CHMP5: variants seen among roughly 807,000 people sequenced by gnomAD.
CHMP5 encodes the protein SNF7 domain containing 2.
A neutral mutation model predicts 33.0 loss-of-function variants in CHMP5; 17 were observed. That is an observed-to-expected ratio of 0.52 (90% confidence interval 0.35 to 0.77). The LOEUF is 0.77. CHMP5 is among the 30% of genes least tolerant of loss of function. The probability of loss-of-function intolerance (pLI) is 0.01; values close to 1 mark genes in which losing one functional copy is unlikely to be tolerated. For missense variants in CHMP5, 216 were observed against 261.5 expected (o/e 0.83, Z 1.20); for synonymous variants, 76 against 90.2 (o/e 0.84, Z 0.89).
chr9:33,271,092 A>G (rs1378625165), intron 4 of CHMP5, 60 bp from the exon 5 acceptor site: 19 of 1,281,682 alleles, frequency 1.5e-5, no homozygotes, highest in Non-Finnish European at 2.1e-5. Flanking sequence ...ATAAATAAAT[A>G]AAGACAATTT....
intron 6 of CHMP5, among the ~76,000 whole-genome samples, chr9:33,277,639 T>G (rs1208236964): frequency 1.3e-5 from 2 of 151,940 alleles, no homozygotes; most frequent in East Asian, 3.9e-4. Flanking sequence ...TCTTAGAAAA[T>G]TGAGTGGACA....
Position 33,265,067 on chromosome 9 carries a change from C to T in CHMP5, c.-12C>T, listed in dbSNP as rs1366398762. ...TTGCTCTAGTGTTTGGGTTTCTTCG[C>T]GGCTGCTCAAGATGAACCGACTCTT... is the stretch of plus-strand genomic sequence containing the variant. On this transcript the variant is annotated 5_prime_UTR_variant, in exon 1 of 8. Coordinates refer to ENST00000223500, the MANE Select transcript of CHMP5 (RefSeq NM_016410.6). 1.9e-6 allele frequency: 3 copies of T among 1,614,162 alleles called. No individual in the cohort carries two copies. Among genetic ancestry groups the T allele is most frequent in the Non-Finnish European group, 2.5e-6 (3 of 1,179,984 alleles).
chr9:33,273,389 A>G (rs1005641584), intron 5 of CHMP5, among the ~76,000 whole-genome samples: 14 of 152,138 alleles, frequency 9.2e-5, no homozygotes, highest in African/African-American at 3.4e-4. Flanking sequence ...CAAAAGAGAA[A>G]CTTTGGTCTT....
intron 6 of CHMP5, 137 bp from the exon 7 acceptor site, chr9:33,277,976 G>C (rs1056074815): frequency 3.8e-6 from 2 of 530,774 alleles, no homozygotes; most frequent in Non-Finnish European, 3.4e-6. Flanking sequence ...CTGATTTCAC[G>C]TAATGGTCAC....
Position 33,271,193 on chromosome 9 carries a change from A to G in CHMP5, c.357A>G (p.Ala119=), listed in dbSNP as rs749884704. The change falls in exon 5 of 8, where the codon GCA becomes GCG. Residue 119 remains alanine, a synonymous_variant. Transcript: ENST00000223500. ...MKLGVKEMKK[A]YKQVKIDQIE... ...TGGGAGTAAAGGAAATGAAGAAGGC[A>G]TACAAGCAAGTGAAGATCGACCAGA... The G allele has an allele frequency of 8.7e-6, 14 of 1,613,992 alleles. No homozygotes were observed. The highest frequency in any genetic ancestry group is 8.3e-5 in the Admixed American group (5 of 60,016).
chr9:33,273,356 T>C (rs1256960127), intron 5 of CHMP5, among the ~76,000 whole-genome samples: 3 of 152,206 alleles, frequency 2.0e-5, no homozygotes, highest in South Asian at 4.1e-4. Context: ...CCTTGTGTTT[T>C]AATTAAAGCT....
At chr9:33,269,180 A>T (rs1820763689) in intron 3 of CHMP5, among the ~76,000 whole-genome samples, 1 of 152,220 alleles carries the variant, frequency 6.6e-6, no homozygotes, top group African/African-American at 2.4e-5. Flanking sequence ...ATTAGGTCAG[A>T]TGGATTACCT....
At chr9:33,272,066 G>A (rs1812324723) in intron 5 of CHMP5, among the ~76,000 whole-genome samples, 2 of 152,052 alleles carry the variant, frequency 1.3e-5, no homozygotes, top group African/African-American at 2.4e-5. Context: ...CTTAAAGTTA[G>A]CATTTCTTAT....
Position 33,266,132 on chromosome 9 carries a change from T to C in CHMP5, c.174+18T>C. On this transcript the variant is annotated intron_variant, in intron 2 of 7. Transcript: ENST00000223500. Reference sequence around the variant, plus strand: ...CTGCAAAGGTAAGGTGGGCAGCAACTGCTGCACAAGGTGCTGGCAGAGCCT... The same window carrying C: ...CTGCAAAGGTAAGGTGGGCAGCAACCGCTGCACAAGGTGCTGGCAGAGCCT... The C allele has an allele frequency of 6.4e-7, 1 of 1,554,404 alleles. No individual in the cohort carries two copies.
intron 5 of CHMP5, among the ~76,000 whole-genome samples, chr9:33,274,834 G>A (rs193175122): frequency 3.9e-5 from 6 of 152,218 alleles, no homozygotes; most frequent in Admixed American, 3.9e-4. Context: ...CAGACTGGTT[G>A]CGAACTCCTG....
intron 6 of CHMP5, among the ~76,000 whole-genome samples, chr9:33,277,390 G>A (rs79740780): frequency 6.6e-6 from 1 of 152,110 alleles, no homozygotes; most frequent in Non-Finnish European, 1.5e-5. Context: ...CTATAGGGAA[G>A]AAGTATGGGG....
In CHMP5 at chr9:33,265,163, T is replaced by C; in HGVS notation, c.69+16T>C. On this transcript the variant is annotated intron_variant, in intron 1 of 7. Transcript: ENST00000223500. ...CATTGGCACGGTGGGCATTTGATCA[T>C]GCATAAGTAGGCTCAGGACCTCTGA... The C allele has an allele frequency of 6.2e-7, 1 of 1,613,636 alleles. No individual in the cohort carries two copies. The highest frequency in any genetic ancestry group is 8.5e-7 in the Non-Finnish European group (1 of 1,179,698).
At chr9:33,277,058 T>C (rs1421572706) in intron 6 of CHMP5, among the ~76,000 whole-genome samples, 2 of 151,404 alleles carry the variant, frequency 1.3e-5, no homozygotes, top group Admixed American at 6.6e-5. Context: ...TACCCAGGCA[T>C]GGTGGTGTGC....
intron 5 of CHMP5, among the ~76,000 whole-genome samples, chr9:33,275,413 A>G (rs1820841571): frequency 6.6e-6 from 1 of 152,036 alleles, no homozygotes; most frequent in African/African-American, 2.4e-5. Flanking sequence ...TGTGACACCT[A>G]TCCTGATTCC....
chr9:33,266,777 T>C (rs1391249125), intron 2 of CHMP5, among the ~76,000 whole-genome samples: 1 of 152,188 alleles, frequency 6.6e-6, no homozygotes, highest in Non-Finnish European at 1.5e-5. Context: ...ATTAGACTGC[T>C]TAAGGAGTGG....
chr9:33,265,089 T>A lies in CHMP5; in HGVS notation c.11T>A (p.Leu4His). ...TCGCGGCTGCTCAAGATGAACCGACTCTTCGGGAAAGCGAAACCCAAGGCT... is the reference window on the plus strand; with the variant it reads ...TCGCGGCTGCTCAAGATGAACCGACACTTCGGGAAAGCGAAACCCAAGGCT... MNR[L>H]FGKAKPKAPP... is the part of the protein sequence containing the mutation. The change falls in exon 1 of 8, where the codon CTC becomes CAC. Residue 4 changes from leucine to histidine, a missense_variant. By Grantham distance (99) the Leu-to-His change is moderately conservative (BLOSUM62 -3). Coordinates refer to ENST00000223500, the MANE Select transcript of CHMP5 (RefSeq NM_016410.6). 6.2e-7 allele frequency: 1 copy of A among 1,614,214 alleles called. No homozygotes were observed. Among genetic ancestry groups the A allele is most frequent in the Non-Finnish European group, 8.5e-7 (1 of 1,180,032 alleles).
intron 7 of CHMP5, among the ~76,000 whole-genome samples, chr9:33,279,345 C>CAAA (rs1328375249): frequency 6.6e-6 from 1 of 152,118 alleles, no homozygotes; most frequent in African/African-American, 2.4e-5. Context: ...CAGGTAATTT[C>CAAA]TTAGGTCCAT....
rs758417455 is a variant in CHMP5, at chr9:33,265,065, C to A, written c.-14C>A. The A allele has an allele frequency of 2.5e-6, 4 of 1,614,064 alleles. No individual in the cohort carries two copies. Among genetic ancestry groups the A allele is most frequent in the Non-Finnish European group, 3.4e-6 (4 of 1,180,012 alleles). On this transcript the variant is annotated 5_prime_UTR_variant, in exon 1 of 8. Coordinates refer to ENST00000223500, the MANE Select transcript of CHMP5 (RefSeq NM_016410.6). Reference sequence around the variant, plus strand: ...TTTTGCTCTAGTGTTTGGGTTTCTTCGCGGCTGCTCAAGATGAACCGACTC... The same window carrying A: ...TTTTGCTCTAGTGTTTGGGTTTCTTAGCGGCTGCTCAAGATGAACCGACTC...
intron 3 of CHMP5, among the ~76,000 whole-genome samples, chr9:33,268,967 TA>T (rs993532774): frequency 5.3e-5 from 8 of 152,250 alleles, no homozygotes; most frequent in African/African-American, 1.9e-4. Context: ...CCTGTTCTTT[TA>T]AATATTCTTT....
Sources: allele counts gnomAD v4.1 joint callset (sites outside exome capture counted in the v4.1 genomes callset), GRCh38; gene constraint gnomAD v4.1.1; transcripts MANE v1.5; gene names NCBI Gene and HGNC (gene_info 2026-07-23, HGNC 2026-07-21).